The following DEAF1 variants were observed in gnomAD, a reference collection of about 807,000 sequenced individuals.
DEAF1 encodes the protein deformed epidermal autoregulatory factor 1 homolog.
A neutral mutation model predicts 58.9 loss-of-function variants in DEAF1; 53 were observed. The ratio of observed to expected loss-of-function variants is 0.90; its 90% CI spans 0.72 to 1.13. The LOEUF is 1.13. Ranked by LOEUF, DEAF1 falls within the 50% of genes most tolerant of loss-of-function variation. The pLI is 0.00. For synonymous variants in DEAF1, 385 were observed against 340.4 expected, an observed-to-expected ratio of 1.13 and a Z score of -1.44; for missense variants, 685 against 791.4, an observed-to-expected ratio of 0.87 and a Z score of 1.61.
intron 5 of DEAF1, among the ~76,000 whole-genome samples, chr11:685,695 C>CAA (rs111933571): frequency 1.0e-4 from 14 of 135,784 alleles, no homozygotes; most frequent in African/African-American, 3.2e-4. Flanking sequence ...GCCTTTGCCT[C>CAA]AAAAAAAAAA....
rs1291298682 is a variant in DEAF1 at position 690,341 on chromosome 11, C to CAGGGGAGGGG, written c.387+1150_387+1159dup. On this transcript the variant is annotated intron_variant, in intron 2 of 11. Transcript: ENST00000382409. Reference sequence around the variant, plus strand: ...CAGGGGAGGGCAGGGGAGGGGAGGGCAGGGGAGGGGAGGGCAGGGGAGGGG... The same window carrying CAGGGGAGGGG: ...CAGGGGAGGGCAGGGGAGGGGAGGGCAGGGGAGGGGAGGGGAGGGGAGGGCAGGGGAGGGG... Among the ~76,000 whole-genome samples, 2 of 1,096 alleles carry CAGGGGAGGGG rather than the reference C, an allele frequency of 1.8e-3. 1 individual carries two copies. Among genetic ancestry groups the CAGGGGAGGGG allele is most frequent in the East Asian group, 0.067 (2 of 30 alleles). 0.7% of individuals were successfully genotyped at this position (1,096 alleles called of 152,430 possible). A position where few individuals can be genotyped will look rare whatever the true frequency, so the allele number is the denominator to read the frequency against.
At chr11:649,409 G>C (rs756602987) in intron 11 of DEAF1, among the ~76,000 whole-genome samples, 35 of 143,542 alleles carry the variant, frequency 2.4e-4, no homozygotes, top group Non-Finnish European at 7.7e-5. Flanking sequence ...GTGACAGAGA[G>C]AGACCCCACT....
intron 1 of DEAF1, chr11:694,429 G>C (rs1860999286): frequency 3.9e-6 from 1 of 258,880 alleles, no homozygotes; most frequent in African/African-American, 2.3e-5. Context: ...GCAGGTGTGC[G>C]AGGCAGGTAT....
chr11:681,170 C>T (rs990495320), intron 6 of DEAF1, 81 bp from the exon 7 acceptor site: 18 of 1,595,066 alleles, frequency 1.1e-5, no homozygotes, highest in Non-Finnish European at 1.5e-5. Context: ...TAAGTGGGGG[C>T]ACCGCGGGGT....
chr11:653,319 G>A (rs575740274), intron 11 of DEAF1, among the ~76,000 whole-genome samples: 11 of 140,674 alleles, frequency 7.8e-5, no homozygotes, highest in Middle Eastern at 3.4e-3. Flanking sequence ...TCTCTCTCGC[G>A]TGGCTCTGCA....
intron 1 of DEAF1, chr11:704,317 G>C: frequency 1.3e-6 from 1 of 752,096 alleles, no homozygotes; most frequent in Non-Finnish European, 1.9e-6. Context: ...CTCCACTGGG[G>C]CTCCCTCGGC....
At chr11:646,787 T>C (rs1379165708) in intron 11 of DEAF1, among the ~76,000 whole-genome samples, 1 of 152,110 alleles carries the variant, frequency 6.6e-6, no homozygotes, top group Non-Finnish European at 1.5e-5. Flanking sequence ...AAGCCAGAAT[T>C]AGAAGTTAGC....
At chr11:702,830 G>C (rs1461026880) in intron 1 of DEAF1, 7 of 1,027,238 alleles carry the variant, frequency 6.8e-6, no homozygotes, top group African/African-American at 3.2e-5. Flanking sequence ...CCAGGCCCCG[G>C]AGGAACGTAG....
chr11:690,932 A>G (rs1049340736), intron 2 of DEAF1, among the ~76,000 whole-genome samples: 1 of 152,204 alleles, frequency 6.6e-6, no homozygotes, highest in African/African-American at 2.4e-5. Context: ...CTGGTTGACC[A>G]GATGTCCCCA....
chr11:680,782 TG>T (rs1187216176), intron 7 of DEAF1, among the ~76,000 whole-genome samples, 180 bp downstream of exon 7: 1 of 152,186 alleles, frequency 6.6e-6, no homozygotes, highest in African/African-American at 2.4e-5. Context: ...AGCTGGGCAC[TG>T]GGACACCCCT....
upstream of DEAF1, chr11:699,128 T>G (rs1861332086): frequency 4.0e-6 from 2 of 502,162 alleles, no homozygotes; most frequent in Non-Finnish European, 7.1e-6. Flanking sequence ...CACTGCCGGC[T>G]CCCAAGGCGA....
At position 694,762 on chromosome 11, in the gene DEAF1, C is replaced by A; in HGVS notation, c.286G>T (p.Ala96Ser). 2 of 1,301,166 alleles carry A rather than the reference C, an allele frequency of 1.5e-6. No individual in the cohort carries two copies. The highest frequency in any genetic ancestry group is 1.9e-6 in the Non-Finnish European group (2 of 1,029,994). The allele number at this position is 1,301,166 out of a possible 1,614,324, so 80.6% of individuals were successfully genotyped here. A position where few individuals can be genotyped will look rare whatever the true frequency, so the allele number is the denominator to read the frequency against. ...AGAGGCCGGCGGGCGCACTTGCCTG[C>A]GAAGGCTGCGGCAGCGGCGGCCTCG... ...PDEAAAAAAF[A>S]EVTTVTVANV... Residue 96 changes from alanine (A) to serine (S), a missense_variant, in exon 1 of 12, where the codon GCA becomes TCA. Transcript: ENST00000382409.
In DEAF1 at chr11:678,740, G is replaced by C. The variant is rs540108800; in HGVS notation, c.1209C>G (p.Ile403Met). 1.5e-5 allele frequency: 25 copies of C among 1,614,200 alleles called. No homozygotes were observed. In the East Asian group the frequency reaches 5.1e-4, roughly 33 times the overall value. The change falls in exon 9 of 12, where the codon ATC becomes ATG. Residue 403 changes from isoleucine (I) to methionine (M), a missense_variant. This residue lies in a region of DEAF1 where 343 missense variants were observed against 379.8 expected (regional missense o/e 0.90). Coordinates refer to ENST00000382409, the MANE Select transcript of DEAF1 (RefSeq NM_021008.4). The part of the protein sequence containing the change: ...HYPGYQDSCQ[I>M]APFPEAALPT... ...GCAACGCAGCTTCTGGAAACGGTGC[G>C]ATCTGGCAGCTGTCCTGATAGCCGG...
chr11:655,979 G>T (rs1294047676), intron 10 of DEAF1, among the ~76,000 whole-genome samples: 1 of 151,348 alleles, frequency 6.6e-6, no homozygotes, highest in Non-Finnish European at 1.5e-5. Context: ...CTACAGGCAC[G>T]GACCACCACG....
intron 1 of DEAF1, chr11:703,611 C>A: frequency 8.1e-7 from 1 of 1,232,936 alleles, no homozygotes; most frequent in Non-Finnish European, 1.0e-6. Context: ...CAGGCCCCAC[C>A]TGTGTTTCCA....
intron 10 of DEAF1, among the ~76,000 whole-genome samples, chr11:668,232 C>T (rs1859645504): frequency 6.6e-6 from 1 of 151,990 alleles, no homozygotes; most frequent in Admixed American, 6.6e-5. Context: ...GGCCAACAGA[C>T]CTATATGAAA....
chr11:671,244 CAG>C (rs1348424625), intron 10 of DEAF1, among the ~76,000 whole-genome samples: 2 of 150,090 alleles, frequency 1.3e-5, no homozygotes, highest in Non-Finnish European at 3.0e-5. Flanking sequence ...TTTTTTGAGA[CAG>C]AGTCTTGCTC....
chr11:705,659 C>A (rs976463387), intron 1 of DEAF1, among the ~76,000 whole-genome samples: 1 of 152,182 alleles, frequency 6.6e-6, no homozygotes, highest in Admixed American at 6.5e-5. Context: ...CACCCACTCA[C>A]CGAAGCCTCT....
chr11:690,752 AAAAC>A (rs1321526385), intron 2 of DEAF1, among the ~76,000 whole-genome samples: 8 of 152,314 alleles, frequency 5.3e-5, no homozygotes, highest in African/African-American at 1.4e-4. Context: ...TCTCAAAAAC[AAAAC>A]AAACAAATAA....
Sources: allele counts gnomAD v4.1 joint callset (sites outside exome capture counted in the v4.1 genomes callset), GRCh38; gene constraint gnomAD v4.1.1; regional missense constraint gnomAD v4.1.1; transcripts MANE v1.5; gene names NCBI Gene and HGNC (gene_info 2026-07-23, HGNC 2026-07-21).